The following CDH6 variants were observed in gnomAD, a reference collection of about 807,000 sequenced individuals.
CDH6 encodes cadherin 6, also known as cadherin-6.
Under a neutral mutation model 78.0 loss-of-function variants are expected in CDH6, and 31 were observed. The observed-to-expected ratio is 0.40, with a 90% CI of 0.30 to 0.54. The LOEUF (loss-of-function observed/expected upper bound fraction) is 0.54, where lower values mean the gene tolerates loss of function less well. Ranked by LOEUF, CDH6 falls within the 20% of genes least tolerant of loss-of-function variation. The pLI, the probability that CDH6 is intolerant of heterozygous loss-of-function variation, is 0.56. For missense variants in CDH6, 724 were observed against 975.9 expected (o/e 0.74, Z 3.44); for synonymous variants, 376 against 368.8 (o/e 1.02, Z -0.23).
intron 1 of CDH6, among the ~76,000 whole-genome samples, chr5:31,257,632 G>C (rs530839580): frequency 6.6e-6 from 1 of 152,242 alleles, no homozygotes; most frequent in Non-Finnish European, 1.5e-5. Flanking sequence ...GACTTCATCA[G>C]TCTCCCAAGA....
At chr5:31,230,091 C>T (rs1741276618) in intron 1 of CDH6, among the ~76,000 whole-genome samples, 1 of 152,138 alleles carries the variant, frequency 6.6e-6, no homozygotes, top group African/African-American at 2.4e-5. Flanking sequence ...GCAGAATATC[C>T]CAGTTGAAGA....
At chr5:31,253,527 A>C in intron 1 of CDH6, among the ~76,000 whole-genome samples, 1 of 152,122 alleles carries the variant, frequency 6.6e-6, no homozygotes, top group Admixed American at 6.5e-5. Context: ...CAGAGTGAGA[A>C]CAGAGTAATA....
At chr5:31,199,494 A>G (rs1349311151) in intron 1 of CDH6, among the ~76,000 whole-genome samples, 1 of 118,820 alleles carries the variant, frequency 8.4e-6, no homozygotes, top group Non-Finnish European at 1.8e-5. Context: ...ATATGTACAC[A>G]CACATATGTG....
chr5:31,285,951 T>C (rs1270037736), intron 2 of CDH6, among the ~76,000 whole-genome samples: 1 of 152,210 alleles, frequency 6.6e-6, no homozygotes, highest in African/African-American at 2.4e-5. Context: ...TTAGTAGTAA[T>C]TGATAAATTA....
intron 8 of CDH6, among the ~76,000 whole-genome samples, chr5:31,315,291 G>A (rs1738285856): frequency 6.6e-6 from 1 of 152,126 alleles, no homozygotes; most frequent in Non-Finnish European, 1.5e-5. Flanking sequence ...CAGGAAACAG[G>A]ATCTTTGTTA....
At chr5:31,275,756 A>G (rs1742672293) in intron 2 of CDH6, among the ~76,000 whole-genome samples, 1 of 152,192 alleles carries the variant, frequency 6.6e-6, no homozygotes, top group African/African-American at 2.4e-5. Flanking sequence ...AATTCCTGAC[A>G]TACTGTAATC....
intron 2 of CDH6, among the ~76,000 whole-genome samples, chr5:31,271,311 G>A (rs763164349): frequency 6.6e-6 from 1 of 152,062 alleles, no homozygotes; most frequent in Non-Finnish European, 1.5e-5. Context: ...AGAGAGGGTC[G>A]TGGGTGGCGG....
At chr5:31,264,704 A>G (rs1022335919) in intron 1 of CDH6, among the ~76,000 whole-genome samples, 10 of 152,220 alleles carry the variant, frequency 6.6e-5, no homozygotes, top group Non-Finnish European at 1.5e-5. Context: ...ATTCAATTAC[A>G]TATATTAAGT....
chr5:31,230,859 G>C (rs566186152), intron 1 of CDH6, among the ~76,000 whole-genome samples: 1 of 152,082 alleles, frequency 6.6e-6, no homozygotes, highest in South Asian at 2.1e-4. Flanking sequence ...CAATTGTAGG[G>C]GACTTCATGA....
rs538233305 is a variant in CDH6 at position 31,258,022 on chromosome 5, A to G, written c.-128-9324A>G. Among the ~76,000 whole-genome samples, 13 of 152,312 alleles carry G rather than the reference A, an allele frequency of 8.5e-5. No individual in the cohort carries two copies. The South Asian group carries it at 2.7e-3, about 32-fold the overall frequency. ...TTATCTCTCTGAAAGAGAGGATAAG[A>G]AAATGGTCCCCATCATGGAGTGTAA... On this transcript the variant is annotated intron_variant, in intron 1 of 11. Coordinates refer to ENST00000265071, the MANE Select transcript of CDH6 (RefSeq NM_004932.4).
intron 1 of CDH6, among the ~76,000 whole-genome samples, chr5:31,226,968 TG>T (rs1741169372): frequency 6.6e-6 from 1 of 152,200 alleles, no homozygotes; most frequent in South Asian, 2.1e-4. Flanking sequence ...AAGAAAGGGC[TG>T]AGCCTGTTCC....
intron 1 of CDH6, chr5:31,249,277 C>T (rs986103109): frequency 6.6e-6 from 1 of 152,184 alleles, no homozygotes; most frequent in Non-Finnish European, 1.5e-5. Flanking sequence ...GTTTTCCACA[C>T]TGAGTAGTTG....
chr5:31,199,683 G>GTATATATATATATA (rs1369706220), intron 1 of CDH6, among the ~76,000 whole-genome samples: 10 of 59,680 alleles, frequency 1.7e-4, no homozygotes, highest in East Asian at 6.4e-4. Context: ...GTGTGTGTGT[G>GTATATATATATATA]TGTATATATA....
At chr5:31,310,894 AT>A (rs557124122) in intron 7 of CDH6, among the ~76,000 whole-genome samples, 11 of 151,574 alleles carry the variant, frequency 7.3e-5, no homozygotes, top group Non-Finnish European at 1.6e-4. Flanking sequence ...CCATAAAACC[AT>A]TTTTTTTCCT....
At chr5:31,245,899 C>CTTTTTTTT (rs71612205) in intron 1 of CDH6, among the ~76,000 whole-genome samples, 55 of 87,712 alleles carry the variant, frequency 6.3e-4, no homozygotes, top group South Asian at 8.8e-4. Flanking sequence ...CTCTCTCTCT[C>CTTTTTTTT]TTTTTTTTTT....
At chr5:31,216,683 CAAA>C (rs70953498) in intron 1 of CDH6, among the ~76,000 whole-genome samples, 4 of 132,644 alleles carry the variant, frequency 3.0e-5, no homozygotes, top group Non-Finnish European at 4.7e-5. Flanking sequence ...GCCCTGCCAC[CAAA>C]AAAAAAAAAA....
intron 1 of CDH6, among the ~76,000 whole-genome samples, chr5:31,199,445 C>CACACACATATGTGTATATATGT (rs1740264795): frequency 1.5e-3 from 7 of 4,526 alleles, no homozygotes; most frequent in Non-Finnish European, 4.0e-3. Context: ...TGTATATATA[C>CACACACATATGTGTATATATGT]ACACACATAT....
At chr5:31,297,220 GT>G in intron 3 of CDH6, 68 bp from the exon 4 acceptor site, 2 of 1,351,342 alleles carry the variant, frequency 1.5e-6, no homozygotes. Flanking sequence ...GATCGTGCTG[GT>G]TTTGGTGTGT....
At position 31,302,964 on chromosome 5, in the gene CDH6, A is replaced by AAAAG. The variant is rs369255069; in HGVS notation, c.999+686_999+689dup. 4.7e-3 allele frequency among the ~76,000 whole-genome samples: 523 copies of AAAAG among 111,726 alleles called. 2 individuals carry two copies. Among genetic ancestry groups the AAAAG allele is most frequent in the African/African-American group, 0.016 (481 of 30,222 alleles). 73.3% of individuals were successfully genotyped at this position (111,726 alleles called of 152,430 possible). A position where few individuals can be genotyped will look rare whatever the true frequency, so the allele number is the denominator to read the frequency against. ...GAAAGAAAGAAAGAAAGAAGGAAAG[A>AAAAG]AAAGAAAGAAAGAAAGAAAGAAAAC... is the stretch of plus-strand genomic sequence containing the variant. On this transcript the variant is annotated intron_variant, in intron 6 of 11. Coordinates refer to ENST00000265071, the MANE Select transcript of CDH6 (RefSeq NM_004932.4).
Sources: allele counts gnomAD v4.1 joint callset (sites outside exome capture counted in the v4.1 genomes callset), GRCh38; gene constraint gnomAD v4.1.1; transcripts MANE v1.5; gene names NCBI Gene and HGNC (gene_info 2026-07-23, HGNC 2026-07-21).